Variants in ERP44 observed in about 807,000 individuals in gnomAD.
The protein encoded by ERP44 is endoplasmic reticulum resident protein 44.
In ERP44, 25 loss-of-function variants were observed where a neutral mutation model predicts 53.4. That is an observed-to-expected ratio of 0.47 (90% CI 0.34 to 0.65). The LOEUF is 0.65. Ranked by LOEUF, ERP44 falls within the 30% of genes least tolerant of loss-of-function variation. ERP44 has a pLI of 0.01. For synonymous variants in ERP44, 145 were observed against 161.2 expected (o/e 0.90, Z 0.76); for missense variants, 338 against 493.2 (o/e 0.69, Z 2.98).
chr9:100,098,926 G>C lies in ERP44; in HGVS notation c.-86C>G. On this transcript the variant is annotated 5_prime_UTR_variant, in exon 1 of 12. Transcript: ENST00000262455. ...TTGGGTTAGGAAAGGGCTGGGCTCCGGGAGCCGACGGCAGCGGAGGATTCT... is the reference window on the plus strand; with the variant it reads ...TTGGGTTAGGAAAGGGCTGGGCTCCCGGAGCCGACGGCAGCGGAGGATTCT... 1 of 1,041,952 alleles carries C rather than the reference G, an allele frequency of 9.6e-7. No homozygotes were observed. Among genetic ancestry groups the C allele is most frequent in the Non-Finnish European group, 1.5e-6 (1 of 686,104 alleles). The allele number at this position is 1,041,952 out of a possible 1,614,324, so 64.5% of individuals were successfully genotyped here. A position where few individuals can be genotyped will look rare whatever the true frequency, so the allele number is the denominator to read the frequency against.
chr9:100,000,848 T>C (rs926022521), intron 10 of ERP44, among the ~76,000 whole-genome samples: 16 of 152,146 alleles, frequency 1.1e-4, no homozygotes, highest in African/African-American at 3.6e-4. Context: ...AATCTCAATT[T>C]CATTTATTTC....
intron 5 of ERP44, 91 bp from the exon 6 acceptor site, chr9:100,020,822 G>A (rs1356596846): frequency 1.5e-6 from 1 of 656,506 alleles, no homozygotes; most frequent in African/African-American, 1.8e-5. Flanking sequence ...ACCTAAACAA[G>A]TCCAGTCATT....
rs1019071172 is a variant in ERP44, at chr9:99,988,836, C to T, written c.1017-3767G>A. 5.3e-5 allele frequency among the ~76,000 whole-genome samples: 8 copies of T among 152,200 alleles called. No homozygotes were observed. The South Asian group carries it at 6.2e-4, about 12-fold the overall frequency. On this transcript the variant is annotated intron_variant, in intron 10 of 11. Coordinates refer to ENST00000262455, the MANE Select transcript of ERP44 (RefSeq NM_015051.3). ...ACAGGACATTCCCACCCAAATACTG[C>T]GCTTTTCCAATGATCTTAGCAAACG...
rs558964986 is a variant in ERP44, at chr9:99,999,153, G to A, written c.1016+7353C>T. Reference sequence around the variant, plus strand: ...ACAGTGTACCGCGCTGGGAGGCCAGGGCTCCGCCCCCCGACCCTGTCCCCC... The same window carrying A: ...ACAGTGTACCGCGCTGGGAGGCCAGAGCTCCGCCCCCCGACCCTGTCCCCC... On this transcript the variant is annotated intron_variant, in intron 10 of 11. Coordinates refer to ENST00000262455, the MANE Select transcript of ERP44 (RefSeq NM_015051.3). 736 of 557,732 alleles carry A rather than the reference G, an allele frequency of 1.3e-3. 3 individuals carry two copies. The highest frequency in any genetic ancestry group is 0.013 in the African/African-American group (687 of 52,172). The allele number at this position is 557,732 out of a possible 1,614,324, so 34.5% of individuals were successfully genotyped here. A position where few individuals can be genotyped will look rare whatever the true frequency, so the allele number is the denominator to read the frequency against.
At chr9:100,067,168 G>GCTCTCC (rs893188814) in intron 1 of ERP44, among the ~76,000 whole-genome samples, 66 of 146,822 alleles carry the variant, frequency 4.5e-4, no homozygotes, top group Middle Eastern at 3.5e-3. Flanking sequence ...TCTCCCTCTC[G>GCTCTCC]CTCTCCCTCT....
At position 100,019,577 on chromosome 9, in the gene ERP44, G is replaced by A. The variant is rs913019440; in HGVS notation, c.587+1039C>T. ...ATGAAAAGAGAAATAATACTGCATG[G>A]AAGTCAAAGGATGGTTGAGATAACC... On this transcript the variant is annotated intron_variant, in intron 6 of 11. Coordinates refer to ENST00000262455, the MANE Select transcript of ERP44 (RefSeq NM_015051.3). 5.3e-5 allele frequency among the ~76,000 whole-genome samples: 8 copies of A among 151,880 alleles called. No homozygotes were observed. In the South Asian group the frequency reaches 1.2e-3, roughly 24 times the overall value.
chr9:99,982,819 T>C (rs547988887), intron 11 of ERP44, 106 bp from the exon 12 acceptor site: 1 of 533,476 alleles, frequency 1.9e-6, no homozygotes, highest in East Asian at 3.5e-5. Context: ...ATTATTTGCT[T>C]ATTAATCAAT....
intron 4 of ERP44, among the ~76,000 whole-genome samples, chr9:100,028,582 G>C (rs1406780002): frequency 6.6e-6 from 1 of 152,184 alleles, no homozygotes; most frequent in Non-Finnish European, 1.5e-5. Context: ...ACCACCACTG[G>C]AGAAAACCAC....
chr9:100,049,901 C>T (rs768783641), intron 4 of ERP44, among the ~76,000 whole-genome samples: 50 of 151,910 alleles, frequency 3.3e-4, no homozygotes, highest in Middle Eastern at 3.4e-3. Context: ...GCCAGCAAGT[C>T]GAAACAACCC....
intron 4 of ERP44, among the ~76,000 whole-genome samples, chr9:100,043,809 A>T (rs1825939398): frequency 6.6e-6 from 1 of 152,192 alleles, no homozygotes; most frequent in Non-Finnish European, 1.5e-5. Flanking sequence ...CCTACTATGT[A>T]TCTACAAAAG....
rs1826639031 is a variant in ERP44 at position 100,096,926 on chromosome 9, G to A, written c.57+1858C>T. ...AGCAACTCAAAGTTGCGATTAGACA[G>A]GATAGATGTTTTATAAATATTTGCT... On this transcript the variant is annotated intron_variant, in intron 1 of 11. Coordinates refer to ENST00000262455, the MANE Select transcript of ERP44 (RefSeq NM_015051.3). Among the ~76,000 whole-genome samples, 3 of 152,142 alleles carry A rather than the reference G, an allele frequency of 2.0e-5. No homozygotes were observed. The South Asian group carries it at 6.2e-4, about 31-fold the overall frequency.
At chr9:100,037,191 A>G (rs1267653320) in intron 4 of ERP44, among the ~76,000 whole-genome samples, 7 of 152,198 alleles carry the variant, frequency 4.6e-5, no homozygotes, top group African/African-American at 1.7e-4. Context: ...GAGCACAGCA[A>G]TTGTGAGACA....
At chr9:100,018,990 G>A (rs540296593) in intron 6 of ERP44, among the ~76,000 whole-genome samples, 7 of 152,112 alleles carry the variant, frequency 4.6e-5, no homozygotes, top group Non-Finnish European at 5.9e-5. Context: ...AAACGGGAGT[G>A]AACAAAACTA....
At chr9:100,064,390 C>T (rs1274702109) in intron 1 of ERP44, among the ~76,000 whole-genome samples, 1 of 152,078 alleles carries the variant, frequency 6.6e-6, no homozygotes, top group African/African-American at 2.4e-5. Context: ...GGAAAAGGTC[C>T]AGAAATTGAA....
chr9:100,094,993 T>C (rs1263469019), intron 1 of ERP44, among the ~76,000 whole-genome samples: 1 of 145,380 alleles, frequency 6.9e-6, no homozygotes, highest in Non-Finnish European at 1.5e-5. Context: ...AAAAAAAAAG[T>C]GCTATTTTAT....
At chr9:100,050,036 C>A (rs1165372121) in intron 4 of ERP44, among the ~76,000 whole-genome samples, 3 of 112,752 alleles carry the variant, frequency 2.7e-5, no homozygotes, top group Non-Finnish European at 3.7e-5. Flanking sequence ...ATACTAAGTC[C>A]AGAAAAAAAA....
Position 100,060,155 on chromosome 9 carries a change from A to C in ERP44, c.75T>G (p.Thr25=). ...SLLLLVTWVF[T]PVTTEITSLD... is the part of the protein sequence containing the mutation. ...GACTTGTTATTTCAGTTGTTACAGG[A>C]GTAAAAACCCAAGTTACCTGAAAAT... is the stretch of plus-strand genomic sequence containing the variant. Residue 25 remains threonine (T), a synonymous_variant, in exon 2 of 12, where the codon ACT becomes ACG. Coordinates refer to ENST00000262455, the MANE Select transcript of ERP44 (RefSeq NM_015051.3). 1 of 1,496,436 alleles carries C rather than the reference A, an allele frequency of 6.7e-7. No homozygotes were observed. The highest frequency in any genetic ancestry group is 8.9e-7 in the Non-Finnish European group (1 of 1,125,250). 92.7% of individuals were successfully genotyped at this position (1,496,436 alleles called of 1,614,324 possible).
At chr9:100,074,770 GGGGACCCAAAAT>G (rs1347487121) in intron 1 of ERP44, among the ~76,000 whole-genome samples, 8 of 152,304 alleles carry the variant, frequency 5.3e-5, no homozygotes, top group African/African-American at 1.9e-4. Context: ...GTTGATTCCA[GGGGACCCAAAAT>G]GTCATCGTGG....
chr9:100,060,483 C>T (rs1261267095), intron 1 of ERP44, among the ~76,000 whole-genome samples: 2 of 152,120 alleles, frequency 1.3e-5, no homozygotes, highest in African/African-American at 4.8e-5. Flanking sequence ...AACTTTATAG[C>T]ACCACAAGAA....
Sources: gnomAD v4.1 joint callset for allele counts (sites outside exome capture counted in the v4.1 genomes callset) on GRCh38, gnomAD v4.1.1 for gene constraint, MANE v1.5 for transcripts, NCBI Gene and HGNC (gene_info 2026-07-23, HGNC 2026-07-21) for gene names.